Variants in SNX29 observed in about 807,000 individuals in gnomAD.
The protein encoded by SNX29 is sorting nexin-29.
SNX29 carries 78 observed loss-of-function variants against 102.1 expected under a neutral mutation model. That is an observed-to-expected ratio of 0.76 (90% CI 0.64 to 0.92). SNX29 has a LOEUF of 0.92. Ranked by LOEUF, SNX29 falls within the 40% of genes least tolerant of loss-of-function variation. SNX29 has a pLI of 0.00. For missense variants in SNX29, 1,280 were observed against 1,061.7 expected (o/e 1.21, Z -2.86); for synonymous variants, 580 against 414.5 (o/e 1.40, Z -4.85).
intron 16 of SNX29, among the ~76,000 whole-genome samples, chr16:12,366,798 C>G (rs971249484): frequency 6.6e-6 from 1 of 151,890 alleles, no homozygotes; most frequent in East Asian, 1.9e-4. Context: ...CCTCTCTCTC[C>G]TTTTGTTTCT....
chr16:12,283,745 T>G (rs1173826374), intron 15 of SNX29, among the ~76,000 whole-genome samples: 1 of 152,208 alleles, frequency 6.6e-6, no homozygotes, highest in African/African-American at 2.4e-5. Flanking sequence ...TGCATTCTTG[T>G]GGGTGAGGCA....
intron 13 of SNX29, among the ~76,000 whole-genome samples, chr16:12,163,595 G>A (rs981683074): frequency 1.5e-4 from 23 of 152,202 alleles, no homozygotes; most frequent in African/African-American, 5.5e-4. Context: ...GAGTCATGGA[G>A]GGGCTGGTGG....
At chr16:12,292,904 C>T (rs954901542) in intron 15 of SNX29, among the ~76,000 whole-genome samples, 2 of 152,156 alleles carry the variant, frequency 1.3e-5, no homozygotes, top group African/African-American at 4.8e-5. Context: ...TAAGTTCTTA[C>T]AGAAGAATTT....
intron 1 of SNX29, among the ~76,000 whole-genome samples, chr16:11,998,162 G>C (rs1000634242): frequency 6.6e-6 from 1 of 152,224 alleles, no homozygotes; most frequent in Non-Finnish European, 1.5e-5. Context: ...AGTTGCCCAA[G>C]ACAGAAGCAG....
intron 8 of SNX29, among the ~76,000 whole-genome samples, chr16:12,060,510 G>A (rs1049121038): frequency 3.3e-5 from 5 of 152,342 alleles, no homozygotes; most frequent in Admixed American, 2.6e-4. Context: ...GCTGAGGCAG[G>A]AGGCTCTGCC....
chr16:12,307,754 C>T (rs372041116), intron 15 of SNX29, among the ~76,000 whole-genome samples: 1 of 152,328 alleles, frequency 6.6e-6, no homozygotes, highest in South Asian at 2.1e-4. Flanking sequence ...TTGCTAGGCT[C>T]GGCCTTGGCT....
intron 20 of SNX29, chr16:12,546,355 G>C (rs1487132348): frequency 6.6e-6 from 1 of 152,216 alleles, no homozygotes; most frequent in East Asian, 1.9e-4. Flanking sequence ...AGTTCCATGT[G>C]GCTGGGGAGG....
rs531342529 is a variant in SNX29 at position 12,555,417 on chromosome 16, G to C, written c.2319-13089G>C. On this transcript the variant is annotated intron_variant, in intron 20 of 20. Transcript: ENST00000566228. ...TGTCTGCTGGGCTGCTGGCCCCTCA[G>C]GTTGCTTTGTAGGAGACACTCATGT... Among the ~76,000 whole-genome samples, 167 of 152,188 alleles carry C rather than the reference G, an allele frequency of 1.1e-3. 1 individual carries two copies. The highest frequency in any genetic ancestry group is 3.5e-3 in the African/African-American group (146 of 41,526).
At chr16:12,102,960 C>T (rs1486144522) in intron 11 of SNX29, among the ~76,000 whole-genome samples, 1 of 152,078 alleles carries the variant, frequency 6.6e-6, no homozygotes, top group East Asian at 1.9e-4. Flanking sequence ...ATAATTGCTA[C>T]AAAGAAAATA....
In SNX29 at chr16:12,572,973, A is replaced by G. The variant is rs896692331; in HGVS notation, c.*4344A>G. ...TGAGCAAGGTCAAAGATTTTTCAAA[A>G]TATTGTGCATTAATTCATTAAAGCT... On this transcript the variant is annotated 3_prime_UTR_variant, in exon 21 of 21. Transcript: ENST00000566228. 1 of 492,996 alleles carries G rather than the reference A, an allele frequency of 2.0e-6. No homozygotes were observed. Among genetic ancestry groups the G allele is most frequent in the Non-Finnish European group, 2.8e-6 (1 of 356,770 alleles). The allele number at this position is 492,996 out of a possible 1,614,324, so 30.5% of individuals were successfully genotyped here. A position where few individuals can be genotyped will look rare whatever the true frequency, so the allele number is the denominator to read the frequency against.
rs58869867 is a variant in SNX29 at position 12,365,326 on chromosome 16, TTGTGTGTG to T, written c.1899+9079_1899+9086del. Among the ~76,000 whole-genome samples the T allele has an allele frequency of 4.4e-3, 615 of 139,864 alleles. 2 individuals carry two copies. Among genetic ancestry groups the T allele is most frequent in the African/African-American group, 8.8e-3 (326 of 36,966 alleles). The allele number at this position is 139,864 out of a possible 152,430, so 91.8% of individuals were successfully genotyped here. ...TCCTTCTCACTTCATACATCAGGATTTGTGTGTGTGTGTGTGTGTGTGTGTGTGTGTGT... is the reference window on the plus strand; with the variant it reads ...TCCTTCTCACTTCATACATCAGGATTTGTGTGTGTGTGTGTGTGTGTGTGT... On this transcript the variant is annotated intron_variant, in intron 16 of 20. Transcript: ENST00000566228.
intron 14 of SNX29, among the ~76,000 whole-genome samples, chr16:12,277,708 G>T (rs2079298506): frequency 6.6e-6 from 1 of 152,114 alleles, no homozygotes; most frequent in Non-Finnish European, 1.5e-5. Flanking sequence ...CTGAGCAGCT[G>T]ACACTACAGG....
intron 11 of SNX29, among the ~76,000 whole-genome samples, chr16:12,108,935 C>G: frequency 6.6e-6 from 1 of 151,840 alleles, no homozygotes; most frequent in South Asian, 2.1e-4. Context: ...CAAGAGCAGC[C>G]TGGCCAAGAT....
intron 19 of SNX29, among the ~76,000 whole-genome samples, chr16:12,511,511 G>A (rs2089618122): frequency 6.6e-6 from 1 of 152,188 alleles, no homozygotes; most frequent in African/African-American, 2.4e-5. Flanking sequence ...ACACGTGTGA[G>A]GAGAGTGTAA....
At chr16:12,215,097 G>C (rs961659095) in intron 14 of SNX29, among the ~76,000 whole-genome samples, 1 of 152,144 alleles carries the variant, frequency 6.6e-6, no homozygotes, top group Non-Finnish European at 1.5e-5. Flanking sequence ...TAGCCAACAT[G>C]CATTAAGCAC....
intron 10 of SNX29, among the ~76,000 whole-genome samples, chr16:12,072,237 T>C (rs1031326293): frequency 5.3e-5 from 8 of 152,226 alleles, no homozygotes; most frequent in African/African-American, 1.9e-4. Context: ...GGCATCCCTG[T>C]CTTGTGCCAG....
intron 18 of SNX29, among the ~76,000 whole-genome samples, chr16:12,404,384 G>A (rs4780429): frequency 0.55 from 83,520 of 151,830 alleles, 23,647 homozygotes; most frequent in Non-Finnish European, 0.62. Context: ...CCTGCCCACA[G>A]CTCGTCTGCA....
At chr16:12,504,145 A>G (rs1305204938) in intron 19 of SNX29, among the ~76,000 whole-genome samples, 1 of 152,090 alleles carries the variant, frequency 6.6e-6, no homozygotes, top group Non-Finnish European at 1.5e-5. Flanking sequence ...CTATCGATGG[A>G]ATAGTATAAT....
rs1485263456 is a variant in SNX29 at position 12,365,358 on chromosome 16, G to GTGTGTGTGTGTA, written c.1899+9086_1899+9087insGTGTATGTGTGT. 1.1e-3 allele frequency among the ~76,000 whole-genome samples: 166 copies of GTGTGTGTGTGTA among 150,472 alleles called. 1 individual carries two copies. The highest frequency in any genetic ancestry group is 5.7e-3 in the East Asian group (29 of 5,124). ...TGTGTGTGTGTGTGTGTGTGTGTGT[G>GTGTGTGTGTGTA]TGTGTGTTTAGCATACTCATCACAT... On this transcript the variant is annotated intron_variant, in intron 16 of 20. Transcript: ENST00000566228.
Sources: gnomAD v4.1 joint callset for allele counts (sites outside exome capture counted in the v4.1 genomes callset) on GRCh38, gnomAD v4.1.1 for gene constraint, MANE v1.5 for transcripts, NCBI Gene and HGNC (gene_info 2026-07-23, HGNC 2026-07-21) for gene names.